The following EXOC4 variants were observed in gnomAD, a reference collection of about 807,000 sequenced individuals.
EXOC4 encodes the protein SEC8-like 1.
Under a neutral mutation model 107.2 loss-of-function variants are expected in EXOC4, and 71 were observed. The observed-to-expected ratio is 0.66, with a 90% CI of 0.55 to 0.81. The LOEUF is 0.81. Ranked by LOEUF, EXOC4 falls within the 30% of genes least tolerant of loss-of-function variation. The pLI, the probability that EXOC4 is intolerant of heterozygous loss-of-function variation, is 0.00. For synonymous variants in EXOC4, 456 were observed against 441.2 expected, an observed-to-expected ratio of 1.03 and a Z score of -0.42; for missense variants, 1,108 against 1,189.6, an observed-to-expected ratio of 0.93 and a Z score of 1.01.
intron 5 of EXOC4, among the ~76,000 whole-genome samples, chr7:133,329,499 G>A (rs1044408145): frequency 6.6e-6 from 1 of 152,124 alleles, no homozygotes; most frequent in Non-Finnish European, 1.5e-5. Flanking sequence ...AGGAGAAGAG[G>A]CATTCTAGTT....
chr7:134,088,588 A>C, the EXOC4 span, among the ~76,000 whole-genome samples: 1 of 152,210 alleles, frequency 6.6e-6, no homozygotes, highest in South Asian at 2.1e-4. Flanking sequence ...TGAACATTTC[A>C]GTTCTCCATG....
At chr7:133,455,384 C>T (rs567920960) in intron 7 of EXOC4, among the ~76,000 whole-genome samples, 5 of 152,078 alleles carry the variant, frequency 3.3e-5, no homozygotes, top group South Asian at 2.1e-4. Context: ...ACCATGGGCC[C>T]AGGGGTTAGG....
chr7:133,881,268 C>A (rs538913032), intron 11 of EXOC4, among the ~76,000 whole-genome samples: 135 of 151,660 alleles, frequency 8.9e-4, no homozygotes, highest in African/African-American at 3.2e-3. Context: ...ACATACCCCC[C>A]CAACCCCACT....
chr7:134,057,176 G>C (rs984605222), intron 17 of EXOC4, among the ~76,000 whole-genome samples: 1 of 152,042 alleles, frequency 6.6e-6, no homozygotes, highest in East Asian at 1.9e-4. Flanking sequence ...AAAACAGGTA[G>C]GTAGATGACC....
intron 10 of EXOC4, among the ~76,000 whole-genome samples, chr7:133,764,094 A>T (rs1046314083): frequency 6.6e-6 from 1 of 152,126 alleles, no homozygotes; most frequent in African/African-American, 2.4e-5. Flanking sequence ...TTAGTTGTGA[A>T]GATGAGGTGA....
intron 13 of EXOC4, among the ~76,000 whole-genome samples, chr7:133,922,421 A>G (rs1311978766): frequency 6.6e-6 from 1 of 152,062 alleles, no homozygotes; most frequent in Non-Finnish European, 1.5e-5. Context: ...ATATATATAT[A>G]TTTATTTTTA....
chr7:133,613,734 G>C (rs1258254688), intron 9 of EXOC4, among the ~76,000 whole-genome samples: 1 of 152,136 alleles, frequency 6.6e-6, no homozygotes, highest in Non-Finnish European at 1.5e-5. Flanking sequence ...AATTTGTGGA[G>C]CTGTCACTGA....
chr7:134,042,462 C>CACAG (rs751538998), intron 17 of EXOC4, among the ~76,000 whole-genome samples: 4 of 146,282 alleles, frequency 2.7e-5, no homozygotes. Context: ...GATTGAGTGA[C>CACAG]ACAGAGCATG....
intron 7 of EXOC4, among the ~76,000 whole-genome samples, chr7:133,435,072 A>G (rs1362572699): frequency 6.6e-6 from 1 of 152,208 alleles, no homozygotes; most frequent in Non-Finnish European, 1.5e-5. Context: ...TATAAAATAC[A>G]TTTCTCAGAT....
At chr7:133,307,167 C>T (rs962826035) in intron 4 of EXOC4, among the ~76,000 whole-genome samples, 3 of 152,152 alleles carry the variant, frequency 2.0e-5, no homozygotes, top group South Asian at 2.1e-4. Flanking sequence ...GAACAAAAAA[C>T]GCCAAATTTG....
At chr7:133,425,587 C>T (rs924105220) in intron 7 of EXOC4, among the ~76,000 whole-genome samples, 2 of 152,240 alleles carry the variant, frequency 1.3e-5, no homozygotes, top group Non-Finnish European at 1.5e-5. Context: ...ACGTCTGGCT[C>T]AAGACACTCT....
intron 10 of EXOC4, among the ~76,000 whole-genome samples, chr7:133,686,165 A>G (rs1349094598): frequency 2.0e-5 from 3 of 152,132 alleles, no homozygotes; most frequent in African/African-American, 7.2e-5. Flanking sequence ...GCACCACCTC[A>G]TGACTCTGCA....
intron 13 of EXOC4, among the ~76,000 whole-genome samples, chr7:133,923,463 A>G (rs956924878): frequency 2.6e-5 from 4 of 152,152 alleles, no homozygotes; most frequent in Admixed American, 6.5e-5. Context: ...TAGGTTTGTA[A>G]GGGTATCTCT....
intron 10 of EXOC4, among the ~76,000 whole-genome samples, chr7:133,654,971 G>A (rs1391284773): frequency 1.3e-5 from 2 of 152,234 alleles, no homozygotes; most frequent in South Asian, 4.1e-4. Context: ...CAGCTGTATA[G>A]GTCCTTTACC....
chr7:133,604,710 C>CTTTTTTTTTTTTTTT (rs61548710), intron 9 of EXOC4, among the ~76,000 whole-genome samples: 8 of 50,266 alleles, frequency 1.6e-4, no homozygotes, highest in South Asian at 1.2e-3. Context: ...TTCCTTCTTT[C>CTTTTTTTTTTTTTTT]TTTTTTTTTT....
At chr7:133,537,770 C>A (rs183747112) in intron 9 of EXOC4, among the ~76,000 whole-genome samples, 1 of 152,216 alleles carries the variant, frequency 6.6e-6, no homozygotes, top group East Asian at 1.9e-4. Context: ...AACACTCTTT[C>A]ATTTATTTTT....
At chr7:133,661,702 A>AAAAAAAT (rs1793688585) in intron 10 of EXOC4, among the ~76,000 whole-genome samples, 1 of 141,970 alleles carries the variant, frequency 7.0e-6, no homozygotes, top group Non-Finnish European at 1.6e-5. Flanking sequence ...AAAAAAAAAA[A>AAAAAAAT]ACAAGAATTT....
chr7:133,676,210 T>C (rs552381110), intron 10 of EXOC4, among the ~76,000 whole-genome samples: 1 of 152,230 alleles, frequency 6.6e-6, no homozygotes, highest in South Asian at 2.1e-4. Flanking sequence ...TATATCTTCC[T>C]TGTACTCTAT....
intron 9 of EXOC4, among the ~76,000 whole-genome samples, chr7:133,617,168 C>G (rs987374931): frequency 1.3e-5 from 2 of 152,080 alleles, no homozygotes; most frequent in Admixed American, 6.6e-5. Flanking sequence ...CTGTATTCTG[C>G]TCTATATTAA....
Sources: allele counts gnomAD v4.1 joint callset (sites outside exome capture counted in the v4.1 genomes callset), GRCh38; gene constraint gnomAD v4.1.1; transcripts MANE v1.5; gene names NCBI Gene and HGNC (gene_info 2026-07-23, HGNC 2026-07-21).